Variants in SMAP1 observed in about 807,000 individuals in gnomAD.
SMAP1 encodes the protein stromal membrane-associated protein 1.
A neutral mutation model predicts 58.5 loss-of-function variants in SMAP1; 24 were observed. That is an observed-to-expected ratio of 0.41 (90% CI 0.30 to 0.58). The LOEUF (loss-of-function observed/expected upper bound fraction) is 0.58, where lower values mean the gene tolerates loss of function less well. SMAP1 is among the 20% of genes least tolerant of loss of function. SMAP1 has a pLI of 0.29. For missense variants in SMAP1, 563 were observed against 566.3 expected (o/e 0.99, Z 0.06); for synonymous variants, 216 against 196.6 (o/e 1.10, Z -0.82).
At chr6:70,851,608 C>T (rs1193336364) in intron 7 of SMAP1, among the ~76,000 whole-genome samples, 2 of 152,144 alleles carry the variant, frequency 1.3e-5, no homozygotes, top group African/African-American at 2.4e-5. Context: ...AAAACTGAAC[C>T]TTGTGAGATG....
At chr6:70,777,317 C>T (rs112139896) in intron 4 of SMAP1, among the ~76,000 whole-genome samples, 9,662 of 152,188 alleles carry the variant, frequency 0.063, 402 homozygotes, top group Admixed American at 0.14. Context: ...AGCTGTAGAC[C>T]GGAGCTGTTC....
intron 2 of SMAP1, among the ~76,000 whole-genome samples, chr6:70,754,114 ATAT>A (rs1430838419): frequency 2.0e-5 from 3 of 152,110 alleles, no homozygotes; most frequent in South Asian, 2.1e-4. Flanking sequence ...AGAAAAAGAA[ATAT>A]TATGAAAACT....
intron 1 of SMAP1, among the ~76,000 whole-genome samples, chr6:70,699,765 G>T (rs1767550867): frequency 6.6e-6 from 1 of 151,134 alleles, no homozygotes; most frequent in Non-Finnish European, 1.5e-5. Flanking sequence ...TGTAGTAAAT[G>T]TTGCCAGGCC....
chr6:70,748,724 G>A (rs976587939), intron 2 of SMAP1, among the ~76,000 whole-genome samples: 1 of 151,846 alleles, frequency 6.6e-6, no homozygotes, highest in Admixed American at 6.6e-5. Flanking sequence ...TTAGTTGTTG[G>A]GAATAGAAAA....
In SMAP1 at chr6:70,804,305, AACCCCTGTTTTT is replaced by A. The variant is rs1582222289; in HGVS notation, c.576+5569_576+5580del. Among the ~76,000 whole-genome samples, 4 of 147,446 alleles carry A rather than the reference AACCCCTGTTTTT, an allele frequency of 2.7e-5. No homozygotes were observed. The East Asian group carries it at 7.8e-4, about 29-fold the overall frequency. On this transcript the variant is annotated intron_variant, in intron 6 of 10. Transcript: ENST00000370455. ...CTGTTTTATCAGAGACTAGGATTGC[AACCCCTGTTTTT>A]TTTTTTTTTTAACTTTCCATTTGCC... is the stretch of plus-strand genomic sequence containing the variant.
chr6:70,837,162 GTT>G, intron 7 of SMAP1, 134 bp downstream of exon 7: 5 of 561,894 alleles, frequency 8.9e-6, no homozygotes, highest in Non-Finnish European at 1.2e-5. Flanking sequence ...GGTATGATTA[GTT>G]TGCTAACTTC....
rs1766428049 is a variant in SMAP1, at chr6:70,755,010, A to G, written c.283A>G (p.Arg95Gly). The part of the protein sequence containing the change: ...CMQDMGNTKA[R>G]LLYEANLPEN... ...GCAAGATATGGGAAATACTAAAGCA[A>G]GACTACTCTATGAAGCCAATCTTCC... The change falls in exon 3 of 11, where the codon AGA becomes GGA. Residue 95 changes from arginine (R) to glycine (G), a missense_variant. This residue lies in a region of SMAP1 where 494 missense variants were observed against 473.8 expected (regional missense o/e 1.04). Transcript: ENST00000370455. 1.2e-6 allele frequency: 2 copies of G among 1,610,600 alleles called. No homozygotes were observed. Among genetic ancestry groups the G allele is most frequent in the East Asian group, 2.2e-5 (1 of 44,714 alleles).
At chr6:70,738,749 A>C (rs540426909) in intron 2 of SMAP1, among the ~76,000 whole-genome samples, 12 of 152,314 alleles carry the variant, frequency 7.9e-5, no homozygotes, top group Admixed American at 5.2e-4. Flanking sequence ...GAGTATTGAT[A>C]GGTAACATAA....
intron 4 of SMAP1, among the ~76,000 whole-genome samples, chr6:70,788,410 C>G (rs575957691): frequency 7.4e-4 from 112 of 151,856 alleles, no homozygotes; most frequent in African/African-American, 2.7e-3. Flanking sequence ...TGTAACAAAC[C>G]TGCACATTGT....
intron 5 of SMAP1, among the ~76,000 whole-genome samples, chr6:70,795,988 C>G (rs536951594): frequency 6.6e-6 from 1 of 152,140 alleles, no homozygotes; most frequent in Admixed American, 6.5e-5. Context: ...CTCGGCCTCC[C>G]GAAGTGCTGG....
intron 1 of SMAP1, among the ~76,000 whole-genome samples, chr6:70,679,480 A>G (rs182283073): frequency 1.4e-4 from 22 of 152,352 alleles, no homozygotes; most frequent in African/African-American, 5.3e-4. Context: ...TTTATGTAGG[A>G]AATCCCAAGA....
intron 3 of SMAP1, among the ~76,000 whole-genome samples, chr6:70,755,322 A>G (rs1386787989): frequency 1.3e-5 from 2 of 152,050 alleles, no homozygotes; most frequent in Admixed American, 6.6e-5. Context: ...CTGATTCACA[A>G]TGATTATTTG....
chr6:70,679,542 A>G (rs1766616746), intron 1 of SMAP1, among the ~76,000 whole-genome samples: 1 of 152,224 alleles, frequency 6.6e-6, no homozygotes, highest in African/African-American at 2.4e-5. Flanking sequence ...AAGTTTACAG[A>G]AATAAAGTGA....
chr6:70,843,132 T>C (rs918290508), intron 7 of SMAP1, among the ~76,000 whole-genome samples: 1 of 151,214 alleles, frequency 6.6e-6, no homozygotes, highest in African/African-American at 2.4e-5. Flanking sequence ...GGGTAGAGAG[T>C]ATTTTACACA....
At chr6:70,765,725 T>C (rs1766944288) in intron 3 of SMAP1, among the ~76,000 whole-genome samples, 1 of 152,022 alleles carries the variant, frequency 6.6e-6, no homozygotes, top group Non-Finnish European at 1.5e-5. Context: ...CACTTTTCTT[T>C]TTTTATTTTT....
chr6:70,723,559 C>CGGGA (rs1768626488), intron 1 of SMAP1, among the ~76,000 whole-genome samples: 1 of 152,192 alleles, frequency 6.6e-6, no homozygotes, highest in South Asian at 2.1e-4. Context: ...CTCACCTGTA[C>CGGGA]TCCCTATCCA....
rs755045527 is a variant in SMAP1 at position 70,852,620 on chromosome 6, A to G, written c.745A>G (p.Met249Val). ...LNDDLDIFGP[M>V]ISNPLPATVM... The stretch of plus-strand genomic sequence containing the variant: ...CGATGATCTGGACATCTTTGGACCG[A>G]TGATTTCTAATCCCTTACCTGCAAC... Residue 249 changes from methionine to valine, a missense_variant, in exon 8 of 11, where the codon ATG becomes GTG. Physicochemically the swap from Met to Val is conservative, Grantham distance 21. Around this residue, in one of 3 missense-constraint regions of SMAP1, gnomAD observed 494 missense variants for 473.8 expected, o/e 1.04. Transcript: ENST00000370455. 16 of 1,610,242 alleles carry G rather than the reference A, an allele frequency of 9.9e-6. No homozygotes were observed. Among genetic ancestry groups the G allele is most frequent in the Non-Finnish European group, 1.4e-5 (16 of 1,178,092 alleles).
At position 70,788,850 on chromosome 6, in the gene SMAP1, G is replaced by A. The variant is rs1043954292; in HGVS notation, c.415-2839G>A. Among the ~76,000 whole-genome samples, 8 of 152,154 alleles carry A rather than the reference G, an allele frequency of 5.3e-5. No individual in the cohort carries two copies. The East Asian group carries it at 9.6e-4, about 18-fold the overall frequency. On this transcript the variant is annotated intron_variant, in intron 4 of 10. Transcript: ENST00000370455. Reference sequence around the variant, plus strand: ...ATTCAGGCCTTCTAAGCAGTGATATGTGGTGGTCAGTTTTACTTCGAGAAT... The same window carrying A: ...ATTCAGGCCTTCTAAGCAGTGATATATGGTGGTCAGTTTTACTTCGAGAAT...
chr6:70,803,685 G>A (rs952349191), intron 6 of SMAP1, among the ~76,000 whole-genome samples: 4 of 152,088 alleles, frequency 2.6e-5, no homozygotes, highest in Non-Finnish European at 5.9e-5. Flanking sequence ...AGATATTCTG[G>A]TACGTTCTAT....
Sources: allele counts gnomAD v4.1 joint callset (sites outside exome capture counted in the v4.1 genomes callset), GRCh38; gene constraint gnomAD v4.1.1; regional missense constraint gnomAD v4.1.1; transcripts MANE v1.5; gene names NCBI Gene and HGNC (gene_info 2026-07-23, HGNC 2026-07-21).